Variants in KEAP1 observed in about 807,000 individuals in gnomAD.
KEAP1 encodes kelch like ECH associated protein 1.
In KEAP1, 26 loss-of-function variants were observed where a neutral mutation model predicts 59.7. The observed-to-expected ratio is 0.44, with a 90% CI of 0.32 to 0.60. The LOEUF (loss-of-function observed/expected upper bound fraction) is 0.60. Among genes scored for constraint, KEAP1 ranks in the 20% least tolerant of loss-of-function variants. The pLI is 0.06. For missense variants in KEAP1, 539 were observed against 871.4 expected, an observed-to-expected ratio of 0.62 and a Z score of 4.80; for synonymous variants, 350 against 358.3, an observed-to-expected ratio of 0.98 and a Z score of 0.26.
In KEAP1 at chr19:10,489,072, C is replaced by G. The variant is rs994248839; in HGVS notation, c.1708+120G>C. On this transcript the variant is annotated intron_variant, in intron 5 of 5. Coordinates refer to ENST00000171111, the MANE Select transcript of KEAP1 (RefSeq NM_203500.2). ...ATCACACCACTGCACTCCAGCTGGG[C>G]AACAGAGCGAGACCTTGTTTCTAAA... 7.5e-5 allele frequency: 63 copies of G among 839,204 alleles called. No homozygotes were observed. The African/African-American group carries it at 1.2e-3, about 16-fold the overall frequency. The allele number at this position is 839,204 out of a possible 1,614,324, so 52.0% of individuals were successfully genotyped here.
chr19:10,494,317 C>T (rs1002489445), intron 2 of KEAP1, among the ~76,000 whole-genome samples: 50 of 150,136 alleles, frequency 3.3e-4, no homozygotes, highest in African/African-American at 1.2e-3. Flanking sequence ...CATCACCATA[C>T]CTGGCTTGGC....
At position 10,491,610 on chromosome 19, in the gene KEAP1, G is replaced by A. The variant is rs2144596438; in HGVS notation, c.1292C>T (p.Ser431Phe). 5 of 1,581,924 alleles carry A rather than the reference G, an allele frequency of 3.2e-6. No homozygotes were observed. Among genetic ancestry groups the A allele is most frequent in the Non-Finnish European group, 4.3e-6 (5 of 1,164,916 alleles). Residue 431 changes from serine (S) to phenylalanine (F), a missense_variant, in exon 3 of 6, where the codon TCC (serine) becomes TTC (phenylalanine). By Grantham distance (155) the Ser-to-Phe change is radical (BLOSUM62 -2). This residue lies in a region of KEAP1 where 311 missense variants were observed against 425.2 expected (regional missense o/e 0.73). Coordinates refer to ENST00000171111, the MANE Select transcript of KEAP1 (RefSeq NM_203500.2). The surrounding 1 kb of genome is among the most constrained non-coding windows in gnomAD (Gnocchi z 5.2). ...ACTGTTGTGGTGGATGCAGCCGTGG[G>A]AGCCGCCGACGGCATAGATGTGGCC... ...IDGHIYAVGG[S>F]HGCIHHNSVE... is the part of the protein sequence containing the mutation.
chr19:10,492,022 C>T lies in KEAP1; in HGVS notation c.880G>A (p.Asp294Asn), dbSNP rs145222481. The T allele has an allele frequency of 1.2e-6, 2 of 1,614,050 alleles. No individual in the cohort carries two copies. Among genetic ancestry groups the T allele is most frequent in the Non-Finnish European group, 1.7e-6 (2 of 1,180,040 alleles). The change falls in exon 3 of 6, where the codon GAC becomes AAC. Residue 294 changes from aspartate to asparagine, a missense_variant. Physicochemically the swap from Asp to Asn is conservative, Grantham distance 23. Around this residue, in one of 4 missense-constraint regions of KEAP1, gnomAD observed 61 missense variants for 129.9 expected, o/e 0.47. Coordinates refer to ENST00000171111, the MANE Select transcript of KEAP1 (RefSeq NM_203500.2). Reference sequence around the variant, plus strand: ...ACCAGGTAGTCCTTGCAGCGGGAGTCGGACTGCAGGATCTCGCACTTCTGC... The same window carrying T: ...ACCAGGTAGTCCTTGCAGCGGGAGTTGGACTGCAGGATCTCGCACTTCTGC... ...QLQKCEILQSDSRCKDYLVKI... is the reference protein window; with the variant it reads ...QLQKCEILQSNSRCKDYLVKI...
Position 10,496,197 on chromosome 19 carries a change from GAAA to G in KEAP1, c.639+3195_639+3197del, listed in dbSNP as rs67843150. The stretch of plus-strand genomic sequence containing the variant: ...GAGTGAGACCCTGTCTCTAAAAAAA[GAAA>G]AAAAAAAAAAAAAGGCCAGGTGCGG... On this transcript the variant is annotated intron_variant, in intron 2 of 5. Coordinates refer to ENST00000171111, the MANE Select transcript of KEAP1 (RefSeq NM_203500.2). Among the ~76,000 whole-genome samples, 2,590 of 117,544 alleles carry G rather than the reference GAAA, an allele frequency of 0.022. 216 individuals carry two copies. In the East Asian group the frequency reaches 0.32, roughly 15 times the overall value. 77.1% of individuals were successfully genotyped at this position (117,544 alleles called of 152,430 possible). A position where few individuals can be genotyped will look rare whatever the true frequency, so the allele number is the denominator to read the frequency against.
intron 5 of KEAP1, 49 bp from the exon 6 acceptor site, chr19:10,486,867 A>T: frequency 6.4e-7 from 1 of 1,571,482 alleles, no homozygotes; most frequent in Non-Finnish European, 8.7e-7. Context: ...ACCACATCCA[A>T]GAGCAGGGGA....
At position 10,489,242 on chromosome 19, in the gene KEAP1, C is replaced by T. The variant is rs142453344; in HGVS notation, c.1658G>A (p.Arg553Gln). 7.4e-6 allele frequency: 12 copies of T among 1,612,712 alleles called. No homozygotes were observed. Among genetic ancestry groups the T allele is most frequent in the Admixed American group, 3.3e-5 (2 of 59,962 alleles). The change falls in exon 5 of 6, where the codon CGG becomes CAG. Residue 553 changes from arginine (R) to glutamine (Q), a missense_variant. Arg to Gln is a conservative substitution (Grantham distance 43). This residue lies in a region of KEAP1 where 311 missense variants were observed against 425.2 expected (regional missense o/e 0.73). Transcript: ENST00000171111. The part of the protein sequence containing the change: ...TWTFVAPMKH[R>Q]RSALGITVHQ... ...GACAGTGATCCCCAGGGCACTTCGC[C>T]GGTGCTTCATGGGGGCTACGAAAGT...
intron 2 of KEAP1, among the ~76,000 whole-genome samples, chr19:10,497,751 A>G (rs1914898250): frequency 6.6e-6 from 1 of 152,094 alleles, no homozygotes; most frequent in Admixed American, 6.6e-5. Flanking sequence ...AAAATTAGCC[A>G]TGCGTGGTGC....
intron 2 of KEAP1, among the ~76,000 whole-genome samples, chr19:10,498,557 C>T (rs568627284): frequency 3.8e-4 from 58 of 152,182 alleles, no homozygotes; most frequent in African/African-American, 1.3e-3. Context: ...AATGTGAAAA[C>T]GAAACCAAAA....
intron 5 of KEAP1, 73 bp downstream of exon 5, chr19:10,489,119 A>T: frequency 9.8e-7 from 1 of 1,023,002 alleles, no homozygotes; most frequent in Non-Finnish European, 1.4e-6. Context: ...AAAAAAAAAA[A>T]AGGAAAGCAA....
intron 1 of KEAP1, among the ~76,000 whole-genome samples, chr19:10,501,518 T>G (rs953877992): frequency 2.0e-5 from 3 of 151,202 alleles, no homozygotes; most frequent in Non-Finnish European, 4.4e-5. Context: ...TAGTCCCAGC[T>G]ACATGGGAGG....
chr19:10,490,546 C>T (rs768022461), intron 3 of KEAP1: 2 of 152,040 alleles, frequency 1.3e-5, no homozygotes, highest in Non-Finnish European at 2.9e-5. Context: ...AACACCTGAC[C>T]TCAAGTGATC....
chr19:10,486,822 C>T lies in KEAP1; in HGVS notation c.1709-4G>A, dbSNP rs1328259682. On this transcript the variant is annotated splice_region_variant and splice_polypyrimidine_tract_variant and intron_variant, in intron 5 of 5. Transcript: ENST00000171111. ...AACGTGTGACCATCATAGCCTCCTG[C>T]GGGAAGAACAGAAGGGATGGTCACC... is the stretch of plus-strand genomic sequence containing the variant. The T allele has an allele frequency of 1.4e-5, 22 of 1,610,698 alleles. No individual in the cohort carries two copies. Among genetic ancestry groups the T allele is most frequent in the Admixed American group, 5.0e-5 (3 of 59,654 alleles).
In KEAP1 at chr19:10,486,531, G is replaced by A; in HGVS notation, c.*121C>T. On this transcript the variant is annotated 3_prime_UTR_variant, in exon 6 of 6. Coordinates refer to ENST00000171111, the MANE Select transcript of KEAP1 (RefSeq NM_203500.2). ...TGTCATTTTAACACTGAGGCATCCT[G>A]GCCTCCCTTCCCGGAAGATGGGTTA... 1.0e-6 allele frequency: 1 copy of A among 993,056 alleles called. No homozygotes were observed. Among genetic ancestry groups the A allele is most frequent in the Non-Finnish European group, 1.5e-6 (1 of 655,942 alleles). The allele number at this position is 993,056 out of a possible 1,614,324, so 61.5% of individuals were successfully genotyped here.
chr19:10,495,374 A>C (rs1184393685), intron 2 of KEAP1, among the ~76,000 whole-genome samples: 3 of 152,162 alleles, frequency 2.0e-5, no homozygotes, highest in Admixed American at 2.0e-4. Context: ...AAAAATAAGC[A>C]ATCACAATAG....
chr19:10,487,443 G>A (rs1914503477), intron 5 of KEAP1, among the ~76,000 whole-genome samples: 1 of 152,136 alleles, frequency 6.6e-6, no homozygotes. Context: ...GATCACCTGA[G>A]ATCAGGAGTT....
chr19:10,494,053 C>G (rs184795082), intron 2 of KEAP1, among the ~76,000 whole-genome samples: 1 of 149,812 alleles, frequency 6.7e-6, no homozygotes, highest in African/African-American at 2.5e-5. Context: ...ACGATCTTCC[C>G]ACCTCAGCCT....
Position 10,489,850 on chromosome 19 carries a change from A to G in KEAP1, c.1329T>C (p.Tyr443=), listed in dbSNP as rs773431811. 6.2e-7 allele frequency: 1 copy of G among 1,613,260 alleles called. No individual in the cohort carries two copies. Among genetic ancestry groups the G allele is most frequent in the East Asian group, 2.2e-5 (1 of 44,862 alleles). The change falls in exon 4 of 6, where the codon TAT becomes TAC. Residue 443 remains tyrosine (Y), a synonymous_variant. Coordinates refer to ENST00000171111, the MANE Select transcript of KEAP1 (RefSeq NM_203500.2). ...GCIHHNSVER[Y]EPERDEWHLV... ...AGTGCCACTCATCCCGCTCTGGCTC[A>G]TACCTGCAAGGGCGTAAGAAAAATG...
rs1367442315 is a variant in KEAP1 at position 10,491,508 on chromosome 19, G to C, written c.1325+69C>G. ...GGAAACAGCCTCAGGAAGAATACCCGGATCTCAGTGTCTTGGGACTTGCCA... is the reference window on the plus strand; with the variant it reads ...GGAAACAGCCTCAGGAAGAATACCCCGATCTCAGTGTCTTGGGACTTGCCA... On this transcript the variant is annotated intron_variant, in intron 3 of 5. Transcript: ENST00000171111. This position sits in a 1 kb window ranked among gnomAD's most constrained non-coding sequence, Gnocchi z 5.2. The C allele has an allele frequency of 4.6e-6, 6 of 1,318,042 alleles. No individual in the cohort carries two copies. Among genetic ancestry groups the C allele is most frequent in the Non-Finnish European group, 5.1e-6 (5 of 987,784 alleles). 81.6% of individuals were successfully genotyped at this position (1,318,042 alleles called of 1,614,324 possible).
intron 2 of KEAP1, 65 bp from the exon 3 acceptor site, chr19:10,492,327 C>A (rs1914703451): frequency 7.9e-7 from 1 of 1,262,120 alleles, no homozygotes; most frequent in African/African-American, 1.5e-5. Flanking sequence ...CAAGCAGGAC[C>A]GGGACAAGTA....
Sources: gnomAD v4.1 joint callset for allele counts (sites outside exome capture counted in the v4.1 genomes callset) on GRCh38, gnomAD v4.1.1 for gene constraint, gnomAD v4.1.1 regional missense constraint, Gnocchi (gnomAD v3.1) non-coding constraint, MANE v1.5 for transcripts, NCBI Gene and HGNC (gene_info 2026-07-23, HGNC 2026-07-21) for gene names.